FYN: variants seen among roughly 807,000 people sequenced by gnomAD.
FYN encodes the protein tyrosine-protein kinase Fyn.
Under a neutral mutation model 70.2 loss-of-function variants are expected in FYN, and 10 were observed. The observed-to-expected ratio is 0.14, with a 90% CI of 0.09 to 0.24. FYN has a LOEUF of 0.24. Among genes scored for constraint, FYN ranks in the 10% least tolerant of loss-of-function variants. The probability of loss-of-function intolerance (pLI) is 1.00; values close to 1 mark genes in which losing one functional copy is unlikely to be tolerated. For missense variants in FYN, 319 were observed against 673.1 expected (o/e 0.47, Z 5.82); for synonymous variants, 236 against 248.6 (o/e 0.95, Z 0.48).
At chr6:111,723,413 T>C (rs968441052) in intron 3 of FYN, among the ~76,000 whole-genome samples, 2 of 152,184 alleles carry the variant, frequency 1.3e-5, no homozygotes, top group African/African-American at 4.8e-5. Flanking sequence ...AAAACAATCC[T>C]CTTTTATAGA....
intron 4 of FYN, among the ~76,000 whole-genome samples, chr6:111,715,736 T>C (rs1800608916): frequency 6.6e-6 from 1 of 152,188 alleles, no homozygotes; most frequent in Non-Finnish European, 1.5e-5. Flanking sequence ...GAGATGACTA[T>C]AGCCCAGCCA....
intron 12 of FYN, among the ~76,000 whole-genome samples, chr6:111,678,105 AATATGTGT>A (rs1163619369): frequency 3.4e-5 from 2 of 59,532 alleles, no homozygotes; most frequent in Non-Finnish European, 6.6e-5. Context: ...CGAAGGCCAT[AATATGTGT>A]GTGTGTGTGT....
In FYN at chr6:111,661,660, A is replaced by G. The variant is rs1348751567; in HGVS notation, c.*79T>C. ...CTGGGCGGTTCCGCTGCTGGGGAGC[A>G]GCTGGCTACGGAATTGAAAGCTAAT... is the stretch of plus-strand genomic sequence containing the variant. On this transcript the variant is annotated 3_prime_UTR_variant, in exon 14 of 14. Transcript: ENST00000354650. This position sits in a 1 kb window ranked among gnomAD's most constrained non-coding sequence, Gnocchi z 4.0. 1 of 1,363,108 alleles carries G rather than the reference A, an allele frequency of 7.3e-7. No individual in the cohort carries two copies. 84.4% of individuals were successfully genotyped at this position (1,363,108 alleles called of 1,614,324 possible).
intron 1 of FYN, among the ~76,000 whole-genome samples, chr6:111,868,741 A>G (rs778011140): frequency 6.6e-6 from 1 of 152,224 alleles, no homozygotes; most frequent in Non-Finnish European, 1.5e-5. Context: ...TCTACCACTT[A>G]GTAGCTGTAT....
At chr6:111,813,723 A>G (rs955507675) in intron 2 of FYN, among the ~76,000 whole-genome samples, 1 of 152,242 alleles carries the variant, frequency 6.6e-6, no homozygotes, top group African/African-American at 2.4e-5. Context: ...AGGATCTCCA[A>G]AAAGCAGCAG....
chr6:111,666,172 CAG>C (rs1055085956), intron 13 of FYN, among the ~76,000 whole-genome samples: 8 of 151,972 alleles, frequency 5.3e-5, no homozygotes, highest in African/African-American at 1.9e-4. Context: ...AAAGAAGAGA[CAG>C]AAACTTTATA....
intron 2 of FYN, among the ~76,000 whole-genome samples, chr6:111,822,804 C>T (rs190523391): frequency 1.2e-4 from 18 of 151,898 alleles, no homozygotes; most frequent in African/African-American, 3.1e-4. Context: ...GTCAGAGAGG[C>T]GAGGGGAGGA....
At chr6:111,824,072 A>C (rs1163423633) in intron 2 of FYN, among the ~76,000 whole-genome samples, 1 of 152,250 alleles carries the variant, frequency 6.6e-6, no homozygotes, top group Non-Finnish European at 1.5e-5. Flanking sequence ...TAGCTTAAAA[A>C]GCATAGCAAC....
At position 111,712,544 on chromosome 6, in the gene FYN, G is replaced by A. The variant is rs576570024; in HGVS notation, c.344+1803C>T. Among the ~76,000 whole-genome samples, 14 of 152,146 alleles carry A rather than the reference G, an allele frequency of 9.2e-5. No homozygotes were observed. In the South Asian group the frequency reaches 1.2e-3, roughly 14 times the overall value. ...TTCTCAGGATGCCTCCCTGCACCTC[G>A]CCCTGGGCTCTGCCACCTGCCAGCT... On this transcript the variant is annotated intron_variant, in intron 5 of 13. Transcript: ENST00000354650.
chr6:111,820,093 G>A (rs1000452777), intron 2 of FYN: 2 of 152,100 alleles, frequency 1.3e-5, no homozygotes, highest in Non-Finnish European at 2.9e-5. Context: ...GTTTTCATTG[G>A]TTTCTCCTTA....
chr6:111,739,590 G>T (rs1801862537), intron 3 of FYN, among the ~76,000 whole-genome samples: 1 of 152,152 alleles, frequency 6.6e-6, no homozygotes. Context: ...TCTTATAATG[G>T]TTTCAGTTCC....
intron 3 of FYN, among the ~76,000 whole-genome samples, chr6:111,779,454 T>C (rs1771086988): frequency 3.3e-5 from 5 of 152,182 alleles, no homozygotes; most frequent in Admixed American, 3.3e-4. Flanking sequence ...GTCCAACCAA[T>C]GGTATCATCT....
chr6:111,733,271 C>T (rs1253861093), intron 3 of FYN, among the ~76,000 whole-genome samples: 2 of 152,174 alleles, frequency 1.3e-5, no homozygotes, highest in African/African-American at 4.8e-5. Flanking sequence ...AGCAACCTTA[C>T]AAGTATATTT....
chr6:111,857,817 T>C, intron 1 of FYN, among the ~76,000 whole-genome samples: 1 of 149,710 alleles, frequency 6.7e-6, no homozygotes, highest in Admixed American at 6.6e-5. Context: ...GTCCCTTTCG[T>C]TCTCCTTCTT....
chr6:111,697,551 T>G (rs974211568), intron 9 of FYN, among the ~76,000 whole-genome samples: 2 of 152,128 alleles, frequency 1.3e-5, no homozygotes, highest in African/African-American at 4.8e-5. Flanking sequence ...AAATATAAAT[T>G]ATGAAAAAAC....
intron 3 of FYN, among the ~76,000 whole-genome samples, chr6:111,724,080 T>C (rs1334850052): frequency 3.3e-5 from 5 of 152,208 alleles, no homozygotes; most frequent in Non-Finnish European, 5.9e-5. Flanking sequence ...GGGGCCCTTT[T>C]TCTACTAAGC....
At chr6:111,735,285 A>G (rs753466706) in intron 3 of FYN, among the ~76,000 whole-genome samples, 4 of 152,204 alleles carry the variant, frequency 2.6e-5, no homozygotes, top group Admixed American at 1.3e-4. Context: ...ATGGGATTGA[A>G]ATGTGTAGCT....
chr6:111,710,247 G>GAA (rs1253849100), intron 5 of FYN, among the ~76,000 whole-genome samples: 7 of 152,072 alleles, frequency 4.6e-5, no homozygotes, highest in Admixed American at 3.3e-4. Flanking sequence ...ATTAAATTAA[G>GAA]AAAAAAATGG....
intron 3 of FYN, among the ~76,000 whole-genome samples, chr6:111,766,146 ACTT>A (rs1481285496): frequency 1.3e-5 from 2 of 152,222 alleles, no homozygotes; most frequent in East Asian, 1.9e-4. Flanking sequence ...TCAGCACCAC[ACTT>A]CTTCTCTTTT....
Sources: gnomAD v4.1 joint callset for allele counts (sites outside exome capture counted in the v4.1 genomes callset) on GRCh38, gnomAD v4.1.1 for gene constraint, Gnocchi (gnomAD v3.1) non-coding constraint, MANE v1.5 for transcripts, NCBI Gene and HGNC (gene_info 2026-07-23, HGNC 2026-07-21) for gene names.